ERC2: variants seen among roughly 807,000 people sequenced by gnomAD.
ERC2 encodes ERC protein 2.
ERC2 carries 42 observed loss-of-function variants against 114.8 expected under a neutral mutation model. That is an observed-to-expected ratio of 0.37 (90% CI 0.29 to 0.47). ERC2 has a LOEUF of 0.47. ERC2 is among the 20% of genes least tolerant of loss of function. The probability of loss-of-function intolerance (pLI) is 0.99; values close to 1 mark genes in which losing one functional copy is unlikely to be tolerated. For synonymous variants in ERC2, 454 were observed against 425.5 expected (o/e 1.07, Z -0.82); for missense variants, 939 against 1,150.7 (o/e 0.82, Z 2.66).
chr3:55,611,564 G>A (rs1312313916), intron 17 of ERC2, among the ~76,000 whole-genome samples: 1 of 152,160 alleles, frequency 6.6e-6, no homozygotes, highest in Non-Finnish European at 1.5e-5. Flanking sequence ...GAGATGGAGA[G>A]GCCTATTAGG....
chr3:55,742,104 A>C (rs545036404), intron 14 of ERC2, among the ~76,000 whole-genome samples: 149 of 152,230 alleles, frequency 9.8e-4, no homozygotes, highest in African/African-American at 3.1e-3. Flanking sequence ...TGAAAAAAAA[A>C]AAAACAAAAC....
intron 13 of ERC2, among the ~76,000 whole-genome samples, chr3:55,939,122 A>T (rs985356994): frequency 6.6e-6 from 1 of 152,236 alleles, no homozygotes; most frequent in Non-Finnish European, 1.5e-5. Context: ...AATTTTTTAA[A>T]AGTACATTAG....
intron 7 of ERC2, among the ~76,000 whole-genome samples, chr3:56,059,649 C>T (rs892533429): frequency 6.6e-6 from 1 of 152,098 alleles, no homozygotes; most frequent in Non-Finnish European, 1.5e-5. Flanking sequence ...AGTCTTTTAT[C>T]TTAAATCATA....
intron 7 of ERC2, among the ~76,000 whole-genome samples, chr3:56,047,311 C>G (rs2075526496): frequency 1.3e-5 from 2 of 152,314 alleles, no homozygotes. Context: ...ACCACTGGAT[C>G]CTGTCCTTAA....
intron 2 of ERC2, among the ~76,000 whole-genome samples, chr3:56,343,192 T>TCTCTCTCA (rs1376220124): frequency 2.4e-5 from 3 of 126,210 alleles, no homozygotes; most frequent in African/African-American, 9.0e-5. Flanking sequence ...TCTCTCTCTC[T>TCTCTCTCA]CACACACACA....
intron 4 of ERC2, among the ~76,000 whole-genome samples, chr3:56,164,746 C>G (rs2149999800): frequency 6.6e-6 from 1 of 152,048 alleles, no homozygotes. Context: ...TCACATCCTC[C>G]CCAACGCTCA....
At chr3:55,828,028 C>T (rs2149174319) in intron 14 of ERC2, among the ~76,000 whole-genome samples, 1 of 152,342 alleles carries the variant, frequency 6.6e-6, no homozygotes, top group Admixed American at 6.5e-5. Flanking sequence ...TTTAAACACT[C>T]AGCTAGAGTC....
At chr3:55,548,102 C>T (rs867423313) in intron 17 of ERC2, among the ~76,000 whole-genome samples, 3 of 152,302 alleles carry the variant, frequency 2.0e-5, no homozygotes, top group Middle Eastern at 3.4e-3. Context: ...GAGGTCTCCT[C>T]CAAATAAAAA....
chr3:56,105,931 C>A (rs2078632399), intron 6 of ERC2, among the ~76,000 whole-genome samples: 1 of 152,162 alleles, frequency 6.6e-6, no homozygotes, highest in South Asian at 2.1e-4. Context: ...TCTTAAAACA[C>A]AACTTGAAAG....
chr3:55,733,486 A>T (rs2065401269), intron 15 of ERC2, among the ~76,000 whole-genome samples: 1 of 66,702 alleles, frequency 1.5e-5, no homozygotes, highest in East Asian at 3.9e-4. Context: ...ACACACACAC[A>T]TTCTCTGTCT....
intron 1 of ERC2, among the ~76,000 whole-genome samples, chr3:56,435,643 A>T (rs1047851834): frequency 7.2e-5 from 11 of 152,202 alleles, no homozygotes; most frequent in African/African-American, 2.7e-4. Flanking sequence ...TCCTGTACTC[A>T]TTACAGACAT....
At chr3:55,996,307 T>G (rs934872891) in intron 10 of ERC2, among the ~76,000 whole-genome samples, 2 of 152,236 alleles carry the variant, frequency 1.3e-5, no homozygotes, top group Admixed American at 6.5e-5. Context: ...AGTTTTCTTT[T>G]GATGGTTTCA....
intron 7 of ERC2, among the ~76,000 whole-genome samples, chr3:56,051,415 A>G (rs908182989): frequency 6.6e-6 from 1 of 152,144 alleles, no homozygotes; most frequent in Non-Finnish European, 1.5e-5. Context: ...TTTTTTAGAA[A>G]AAAAGGGGGT....
At chr3:55,642,171 C>T (rs188267600) in intron 17 of ERC2, among the ~76,000 whole-genome samples, 51 of 152,212 alleles carry the variant, frequency 3.4e-4, no homozygotes, top group African/African-American at 1.2e-3. Flanking sequence ...TTCCTCCTTA[C>T]ACTATCAGGC....
At chr3:56,148,133 A>C (rs2081238926) in intron 5 of ERC2, among the ~76,000 whole-genome samples, 1 of 152,230 alleles carries the variant, frequency 6.6e-6, no homozygotes, top group Non-Finnish European at 1.5e-5. Context: ...TCCTGGAATC[A>C]TCAGACCAAC....
At chr3:56,213,693 ATC>A (rs1456341802) in intron 3 of ERC2, among the ~76,000 whole-genome samples, 1 of 152,176 alleles carries the variant, frequency 6.6e-6, no homozygotes, top group Non-Finnish European at 1.5e-5. Flanking sequence ...GCAGCTTGAC[ATC>A]TGAGAACAGA....
intron 13 of ERC2, among the ~76,000 whole-genome samples, chr3:55,917,395 T>C (rs2065160642): frequency 6.6e-6 from 1 of 152,124 alleles, no homozygotes; most frequent in South Asian, 2.1e-4. Flanking sequence ...AGCCATGCAA[T>C]GGAACATTAT....
At chr3:56,360,963 G>A (rs2058933867) in intron 2 of ERC2, among the ~76,000 whole-genome samples, 1 of 152,030 alleles carries the variant, frequency 6.6e-6, no homozygotes, top group African/African-American at 2.4e-5. Context: ...CAGAAAAGAG[G>A]GAAATGGGCA....
intron 14 of ERC2, among the ~76,000 whole-genome samples, chr3:55,765,583 G>A (rs1279330156): frequency 6.6e-6 from 1 of 152,258 alleles, no homozygotes; most frequent in Non-Finnish European, 1.5e-5. Context: ...CAAACTGGCA[G>A]AGGTATCCTC....
Sources: allele counts gnomAD v4.1 joint callset (sites outside exome capture counted in the v4.1 genomes callset), GRCh38; gene constraint gnomAD v4.1.1; transcripts MANE v1.5; gene names NCBI Gene and HGNC (gene_info 2026-07-23, HGNC 2026-07-21).